Variants in GLRA3 observed in about 807,000 individuals in gnomAD.
The protein encoded by GLRA3 is glycine receptor alpha 3.
A neutral mutation model predicts 60.4 loss-of-function variants in GLRA3; 44 were observed. The observed-to-expected ratio is 0.73, with a 90% CI of 0.57 to 0.94. The LOEUF is 0.94. GLRA3 is among the 40% of genes least tolerant of loss of function. The pLI is 0.00. For synonymous variants in GLRA3, 223 were observed against 192.9 expected (o/e 1.16, Z -1.29); for missense variants, 508 against 564.6 (o/e 0.90, Z 1.02).
chr4:174,819,216 T>C (rs1392992816), intron 1 of GLRA3, among the ~76,000 whole-genome samples: 1 of 152,236 alleles, frequency 6.6e-6, no homozygotes, highest in Non-Finnish European at 1.5e-5. Context: ...TAGAATATGT[T>C]CTTCCCTAAC....
At chr4:174,688,896 C>T (rs186027078) in intron 5 of GLRA3, among the ~76,000 whole-genome samples, 214 of 152,012 alleles carry the variant, frequency 1.4e-3, no homozygotes, top group African/African-American at 4.9e-3. Context: ...AAAGTGATGA[C>T]AGGAAAGTAA....
chr4:174,662,480 C>A (rs1003174217), intron 7 of GLRA3, among the ~76,000 whole-genome samples: 1 of 152,236 alleles, frequency 6.6e-6, no homozygotes, highest in South Asian at 2.1e-4. Flanking sequence ...GGATCAACAC[C>A]CTACATTTTA....
chr4:174,695,733 A>T (rs1429307841), intron 5 of GLRA3, among the ~76,000 whole-genome samples: 1 of 152,104 alleles, frequency 6.6e-6, no homozygotes, highest in Non-Finnish European at 1.5e-5. Flanking sequence ...TGAAAGTACT[A>T]GGCAGAGCTA....
chr4:174,709,058 A>G (rs1003346381), intron 5 of GLRA3, among the ~76,000 whole-genome samples: 2 of 151,994 alleles, frequency 1.3e-5, no homozygotes, highest in Non-Finnish European at 1.5e-5. Context: ...AATTGCATTT[A>G]TGTAAAAATG....
intron 5 of GLRA3, among the ~76,000 whole-genome samples, chr4:174,683,862 C>T (rs907053402): frequency 6.6e-6 from 1 of 152,104 alleles, no homozygotes. Flanking sequence ...TTGATTTTTT[C>T]GTGAAGATTT....
intron 7 of GLRA3, among the ~76,000 whole-genome samples, chr4:174,666,154 A>G (rs1442996806): frequency 1.3e-5 from 2 of 152,162 alleles, no homozygotes; most frequent in Non-Finnish European, 2.9e-5. Context: ...ACAACTGTAA[A>G]CAATGTAAAT....
intron 1 of GLRA3, among the ~76,000 whole-genome samples, chr4:174,812,952 C>T (rs920120537): frequency 2.0e-5 from 3 of 152,112 alleles, no homozygotes; most frequent in African/African-American, 7.2e-5. Context: ...GAAGTTATTT[C>T]CTGTGGCAAT....
intron 7 of GLRA3, among the ~76,000 whole-genome samples, chr4:174,660,577 C>T (rs916802211): frequency 4.6e-5 from 7 of 152,130 alleles, no homozygotes; most frequent in African/African-American, 1.7e-4. Flanking sequence ...TGCTAATCTT[C>T]CCATGCATGG....
intron 1 of GLRA3, among the ~76,000 whole-genome samples, chr4:174,790,029 C>T (rs1225278218): frequency 1.3e-5 from 2 of 152,122 alleles, no homozygotes; most frequent in African/African-American, 4.8e-5. Flanking sequence ...AGTTGTTTAC[C>T]ACAGGGATAT....
rs567359786 is a variant in GLRA3 at position 174,806,504 on chromosome 4, C to T, written c.72-17561G>A. On this transcript the variant is annotated intron_variant, in intron 1 of 9. Coordinates refer to ENST00000274093, the MANE Select transcript of GLRA3 (RefSeq NM_006529.4). Reference sequence around the variant, plus strand: ...GCATCTGTGGATTCAAAAAACCAGACATTGAAAATATTCAGAAAAAGAGGA... The same window carrying T: ...GCATCTGTGGATTCAAAAAACCAGATATTGAAAATATTCAGAAAAAGAGGA... 2.0e-5 allele frequency among the ~76,000 whole-genome samples: 3 copies of T among 152,164 alleles called. No homozygotes were observed. In the South Asian group the frequency reaches 6.2e-4, roughly 32 times the overall value.
intron 5 of GLRA3, among the ~76,000 whole-genome samples, chr4:174,711,687 G>A (rs151250035): frequency 3.3e-5 from 5 of 152,054 alleles, no homozygotes; most frequent in African/African-American, 1.2e-4. Context: ...TGATCCACCT[G>A]CCTCAGCCTC....
chr4:174,769,873 TTTC>T (rs1738311201), intron 2 of GLRA3, among the ~76,000 whole-genome samples: 1 of 152,140 alleles, frequency 6.6e-6, no homozygotes, highest in African/African-American at 2.4e-5. Context: ...CTGGAAATGT[TTTC>T]TTCTTATGAA....
chr4:174,757,893 T>C (rs1737780828), intron 3 of GLRA3, among the ~76,000 whole-genome samples: 1 of 152,090 alleles, frequency 6.6e-6, no homozygotes, highest in Non-Finnish European at 1.5e-5. Flanking sequence ...TGGTGGGAGA[T>C]GTTTGGGTCA....
chr4:174,669,520 C>A (rs1733824986), intron 7 of GLRA3, among the ~76,000 whole-genome samples: 1 of 152,042 alleles, frequency 6.6e-6, no homozygotes, highest in East Asian at 1.9e-4. Context: ...TAGTCATAAC[C>A]CTCAGTAAAT....
In GLRA3 at chr4:174,682,900, T is replaced by C. The variant is rs1005385408; in HGVS notation, c.614A>G (p.Asp205Gly). 4 of 1,612,974 alleles carry C rather than the reference T, an allele frequency of 2.5e-6. No homozygotes were observed. The highest frequency in any genetic ancestry group is 1.7e-4 in the Middle Eastern group (1 of 6,060). ...TTCTGCCACTTGTACGGGTGCCTCA[T>C]CTTGCCATTCAAAAATGAGATCATT... ...TMNDLIFEWQDEAPVQVAEGL... is the reference protein window; with the variant it reads ...TMNDLIFEWQGEAPVQVAEGL... Residue 205 changes from aspartate to glycine, a missense_variant, in exon 6 of 10, where the codon GAT becomes GGT. Asp to Gly is a moderately conservative substitution (Grantham distance 94, BLOSUM62 -1). Around this residue, in one of 3 missense-constraint regions of GLRA3, gnomAD observed 329 missense variants for 349.3 expected, o/e 0.94. Coordinates refer to ENST00000274093, the MANE Select transcript of GLRA3 (RefSeq NM_006529.4).
At chr4:174,809,692 C>G (rs976066548) in intron 1 of GLRA3, among the ~76,000 whole-genome samples, 2 of 151,984 alleles carry the variant, frequency 1.3e-5, no homozygotes, top group East Asian at 3.9e-4. Flanking sequence ...AAGATTGTGC[C>G]GCTGCACTCC....
intron 6 of GLRA3, among the ~76,000 whole-genome samples, chr4:174,681,430 A>G (rs1734337122): frequency 6.6e-6 from 1 of 152,288 alleles, no homozygotes; most frequent in African/African-American, 2.4e-5. Flanking sequence ...ATTGTCCTGG[A>G]TAAGAGGGGG....
At chr4:174,764,441 TAATG>T (rs1198134859) in intron 3 of GLRA3, among the ~76,000 whole-genome samples, 1 of 152,056 alleles carries the variant, frequency 6.6e-6, no homozygotes, top group Non-Finnish European at 1.5e-5. Context: ...ATATATTCAT[TAATG>T]ATTACAGATA....
Position 174,761,780 on chromosome 4 carries a change from G to C in GLRA3, c.267+5183C>G, listed in dbSNP as rs1261675706. On this transcript the variant is annotated intron_variant, in intron 3 of 9. Transcript: ENST00000274093. ...TTAAAAGGGGTATAAGCAGGCTCTG[G>C]GATGCTACTTTTGACTTGAGTGTGG... Among the ~76,000 whole-genome samples, 3 of 152,058 alleles carry C rather than the reference G, an allele frequency of 2.0e-5. No homozygotes were observed. The East Asian group carries it at 5.8e-4, about 29-fold the overall frequency.
Sources: gnomAD v4.1 joint callset for allele counts (sites outside exome capture counted in the v4.1 genomes callset) on GRCh38, gnomAD v4.1.1 for gene constraint, gnomAD v4.1.1 regional missense constraint, MANE v1.5 for transcripts, NCBI Gene and HGNC (gene_info 2026-07-23, HGNC 2026-07-21) for gene names.